The following CCM2 variants were observed in gnomAD, a reference collection of about 807,000 sequenced individuals.
CCM2 encodes the protein cerebral cavernous malformations 2 protein.
A neutral mutation model predicts 44.9 loss-of-function variants in CCM2; 25 were observed. That is an observed-to-expected ratio of 0.56 (90% CI 0.41 to 0.78). CCM2 has a LOEUF of 0.78. Among genes scored for constraint, CCM2 ranks in the 30% least tolerant of loss-of-function variants. The probability of loss-of-function intolerance (pLI) is 0.00; values close to 1 mark genes in which losing one functional copy is unlikely to be tolerated. For missense variants in CCM2, 481 were observed against 580.6 expected (o/e 0.83, Z 1.76); for synonymous variants, 219 against 241.1 (o/e 0.91, Z 0.85).
At chr7:45,017,677 A>G (rs1027240247) in intron 1 of CCM2, among the ~76,000 whole-genome samples, 1 of 152,146 alleles carries the variant, frequency 6.6e-6, no homozygotes. Context: ...TTTTATTGCC[A>G]CAGAGTCCAT....
intron 1 of CCM2, among the ~76,000 whole-genome samples, chr7:45,035,371 C>T (rs1352618443): frequency 6.6e-6 from 1 of 152,140 alleles, no homozygotes; most frequent in African/African-American, 2.4e-5. Context: ...CTGTTACCAA[C>T]TCTGAGGACC....
chr7:45,071,598 A>G, intron 6 of CCM2: 1 of 354,842 alleles, frequency 2.8e-6, no homozygotes, highest in South Asian at 2.1e-5. Context: ...CTATACGTTA[A>G]GAGTCCATTG....
chr7:45,035,175 C>T (rs995303104), intron 1 of CCM2, among the ~76,000 whole-genome samples: 6 of 152,142 alleles, frequency 3.9e-5, no homozygotes, highest in South Asian at 2.1e-4. Flanking sequence ...CGTCTTAGAG[C>T]GGATCATCTT....
chr7:45,068,781 C>G (rs760310677), intron 5 of CCM2, among the ~76,000 whole-genome samples: 9 of 152,058 alleles, frequency 5.9e-5, no homozygotes, highest in Non-Finnish European at 8.8e-5. Flanking sequence ...AGGCATTGCC[C>G]CCATCCTGGC....
chr7:45,002,350 CTT>C (rs1795673026), intron 1 of CCM2, among the ~76,000 whole-genome samples: 1 of 152,192 alleles, frequency 6.6e-6, no homozygotes, highest in Non-Finnish European at 1.5e-5. Context: ...GGCTCGATCA[CTT>C]TAGCTCAGGA....
At chr7:45,051,848 A>G (rs1798027019) in intron 2 of CCM2, among the ~76,000 whole-genome samples, 1 of 148,614 alleles carries the variant, frequency 6.7e-6, no homozygotes, top group Non-Finnish European at 1.5e-5. Flanking sequence ...GGCATGAGCC[A>G]CTGCGCCCGG....
At chr7:45,075,667 C>A in intron 9 of CCM2, 110 bp from the exon 10 acceptor site, 1 of 1,368,798 alleles carries the variant, frequency 7.3e-7, no homozygotes. Flanking sequence ...TCCCCAAGGC[C>A]ATGCACCAGG....
At chr7:44,999,806 GC>G (rs1361005341), upstream of CCM2, 27 of 9,946 alleles carry the variant, frequency 2.7e-3, no homozygotes, top group Non-Finnish European at 4.0e-3. Flanking sequence ...AGCTGCTCCC[GC>G]GCGCGCTCCC....
chr7:45,004,006 C>T (rs1479117242), intron 1 of CCM2, among the ~76,000 whole-genome samples: 1 of 151,984 alleles, frequency 6.6e-6, no homozygotes, highest in Non-Finnish European at 1.5e-5. Context: ...GTAGTGAGAC[C>T]CTATCTCTAC....
chr7:45,072,666 C>T (rs891466413), intron 6 of CCM2, 60 bp from the exon 7 acceptor site: 7 of 1,346,558 alleles, frequency 5.2e-6, no homozygotes, highest in Admixed American at 5.0e-5. Context: ...GGGCTGGACT[C>T]AAAATGCCTC....
At chr7:45,002,443 C>T (rs775536566) in intron 1 of CCM2, among the ~76,000 whole-genome samples, 1 of 152,064 alleles carries the variant, frequency 6.6e-6, no homozygotes, top group African/African-American at 2.4e-5. Flanking sequence ...GCAGCGCTCG[C>T]CTATAGTCTC....
Position 45,048,184 on chromosome 7 carries a change from TG to T in CCM2, c.204+9762del, listed in dbSNP as rs1476733145. Among the ~76,000 whole-genome samples, 71 of 152,366 alleles carry T rather than the reference TG, an allele frequency of 4.7e-4. 1 individual carries two copies. Among genetic ancestry groups the T allele is most frequent in the East Asian group, 3.7e-3 (19 of 5,194 alleles). On this transcript the variant is annotated intron_variant, in intron 2 of 9. Coordinates refer to ENST00000258781, the MANE Select transcript of CCM2 (RefSeq NM_031443.4). ...CTGCCTCTTGGAAGTGGTTTGTGGA[TG>T]GGGTTGTCCCAGTTAGTAAAGGAGA...
intron 1 of CCM2, among the ~76,000 whole-genome samples, chr7:45,004,980 G>C (rs1460013488): frequency 7.4e-6 from 1 of 134,258 alleles, no homozygotes; most frequent in Admixed American, 7.6e-5. Context: ...TGGGCGACAA[G>C]AGTAAGACTC....
intron 2 of CCM2, among the ~76,000 whole-genome samples, chr7:45,044,289 A>G (rs956124112): frequency 2.6e-5 from 4 of 152,154 alleles, no homozygotes; most frequent in African/African-American, 4.8e-5. Flanking sequence ...GCCTGCCACC[A>G]CGCCCAGCTA....
chr7:45,010,024 C>T (rs1796006715), intron 1 of CCM2, among the ~76,000 whole-genome samples: 1 of 152,052 alleles, frequency 6.6e-6, no homozygotes, highest in Admixed American at 6.6e-5. Flanking sequence ...ATCCTCCCGC[C>T]CCAGTCTCCT....
At position 45,049,891 on chromosome 7, in the gene CCM2, T is replaced by C. The variant is rs191083776; in HGVS notation, c.204+11465T>C. Among the ~76,000 whole-genome samples, 173 of 152,248 alleles carry C rather than the reference T, an allele frequency of 1.1e-3. 1 individual carries two copies. Among genetic ancestry groups the C allele is most frequent in the African/African-American group, 3.9e-3 (163 of 41,536 alleles). On this transcript the variant is annotated intron_variant, in intron 2 of 9. Transcript: ENST00000258781. ...AAAAAACCACTACAACAATAAAAAATAATACAAATTTAAAAAATACAGTGT... is the reference window on the plus strand; with the variant it reads ...AAAAAACCACTACAACAATAAAAAACAATACAAATTTAAAAAATACAGTGT...
intron 1 of CCM2, among the ~76,000 whole-genome samples, chr7:45,034,329 A>G (rs1337333839): frequency 1.3e-5 from 2 of 151,502 alleles, no homozygotes; most frequent in East Asian, 1.9e-4. Context: ...CTCCTTTCTC[A>G]GCCTCCTGAG....
In CCM2 at chr7:45,023,787, GTTTTTTTTTTTTTTTTTTT is replaced by G. The variant is rs10596429; in HGVS notation, c.31-14446_31-14428del. On this transcript the variant is annotated intron_variant, in intron 1 of 9. Transcript: ENST00000258781. The stretch of plus-strand genomic sequence containing the variant: ...TCATTATTTTGATAGCTCTGTATCA[GTTTTTTTTTTTTTTTTTTT>G]TTTTTTTTTTTTTTTTTTTATGAGA... Among the ~76,000 whole-genome samples, 218 of 58,634 alleles carry G rather than the reference GTTTTTTTTTTTTTTTTTTT, an allele frequency of 3.7e-3. 3 individuals are homozygous for G. Among genetic ancestry groups the G allele is most frequent in the East Asian group, 0.03 (61 of 2,042 alleles). 38.5% of individuals were successfully genotyped at this position (58,634 alleles called of 152,430 possible). A position where few individuals can be genotyped will look rare whatever the true frequency, so the allele number is the denominator to read the frequency against.
intron 1 of CCM2, among the ~76,000 whole-genome samples, chr7:45,020,122 ACTC>A (rs1176176212): frequency 1.5e-4 from 23 of 151,806 alleles, no homozygotes; most frequent in African/African-American, 5.6e-4. Context: ...TCTCTGCTCC[ACTC>A]CTCTGAGACT....
Sources: allele counts gnomAD v4.1 joint callset (sites outside exome capture counted in the v4.1 genomes callset), GRCh38; gene constraint gnomAD v4.1.1; transcripts MANE v1.5; gene names NCBI Gene and HGNC (gene_info 2026-07-23, HGNC 2026-07-21).